NPHP4: variants seen among roughly 807,000 people sequenced by gnomAD.
The protein encoded by NPHP4 is nephrocystin-4.
NPHP4 carries 151 observed loss-of-function variants against 155.8 expected under a neutral mutation model. The observed-to-expected ratio is 0.97, with a 90% confidence interval of 0.85 to 1.11. NPHP4 has a LOEUF of 1.11. Among genes scored for constraint, NPHP4 ranks in the 50% least tolerant of loss-of-function variants. The pLI is 0.00. For missense variants in NPHP4, 1,956 were observed against 1,925.7 expected (o/e 1.02, Z -0.29); for synonymous variants, 845 against 816.8 (o/e 1.03, Z -0.59).
chr1:5,953,046 C>T (rs1474244175), intron 6 of NPHP4, among the ~76,000 whole-genome samples: 1 of 152,142 alleles, frequency 6.6e-6, no homozygotes, highest in Non-Finnish European at 1.5e-5. Context: ...CTACCCCAAA[C>T]CTCCTCCAGG....
chr1:5,869,059 A>G (rs1355631257), intron 23 of NPHP4, among the ~76,000 whole-genome samples: 2 of 137,870 alleles, frequency 1.5e-5, no homozygotes, highest in Non-Finnish European at 3.2e-5. Context: ...CCACACGCAC[A>G]CACATGCATG....
chr1:5,923,759 T>A (rs1437153908), intron 11 of NPHP4, among the ~76,000 whole-genome samples: 1 of 152,200 alleles, frequency 6.6e-6, no homozygotes, highest in Non-Finnish European at 1.5e-5. Flanking sequence ...CCCAAAAGGA[T>A]CTAACAATTT....
chr1:5,896,070 A>G, intron 16 of NPHP4, among the ~76,000 whole-genome samples: 1 of 152,264 alleles, frequency 6.6e-6, no homozygotes, highest in East Asian at 1.9e-4. Flanking sequence ...CTGAATTAGA[A>G]AACAGGGAAA....
intron 7 of NPHP4, among the ~76,000 whole-genome samples, chr1:5,948,765 T>C (rs115534498): frequency 0.028 from 4,263 of 152,262 alleles, 193 homozygotes; most frequent in African/African-American, 0.097. Flanking sequence ...GACCTGAGAC[T>C]GGGTGTACAA....
At chr1:5,972,003 C>T (rs1045075599) in intron 3 of NPHP4, among the ~76,000 whole-genome samples, 9 of 152,250 alleles carry the variant, frequency 5.9e-5, no homozygotes, top group South Asian at 2.1e-4. Flanking sequence ...CATTTTGCCT[C>T]GGGGCCCAGT....
chr1:5,883,549 C>T (rs994613715), intron 18 of NPHP4, among the ~76,000 whole-genome samples: 8 of 152,216 alleles, frequency 5.3e-5, no homozygotes, highest in African/African-American at 1.9e-4. Flanking sequence ...CTCTCTGTCA[C>T]GTCCCGAGGA....
Position 5,964,988 on chromosome 1 carries a change from C to T in NPHP4, c.517+2311G>A, listed in dbSNP as rs113986842. On this transcript the variant is annotated intron_variant, in intron 5 of 29. Transcript: ENST00000378156. Reference sequence around the variant, plus strand: ...TCTCACCGTCGCCCAGGCTGGAGTGCAGTGGTGCAATCATGGCTCACTGCA... The same window carrying T: ...TCTCACCGTCGCCCAGGCTGGAGTGTAGTGGTGCAATCATGGCTCACTGCA... Among the ~76,000 whole-genome samples the T allele has an allele frequency of 4.2e-3, 494 of 118,682 alleles. 6 individuals are homozygous for T. The highest frequency in any genetic ancestry group is 0.015 in the African/African-American group (463 of 30,610). 77.9% of individuals were successfully genotyped at this position (118,682 alleles called of 152,430 possible). A position where few individuals can be genotyped will look rare whatever the true frequency, so the allele number is the denominator to read the frequency against.
intron 17 of NPHP4, 76 bp from the exon 18 acceptor site, chr1:5,887,542 G>T: frequency 6.7e-7 from 1 of 1,497,366 alleles, no homozygotes; most frequent in Non-Finnish European, 9.1e-7. Flanking sequence ...GGTGGAGGCT[G>T]CTCCCCAGCC....
intron 9 of NPHP4, among the ~76,000 whole-genome samples, chr1:5,943,219 C>T (rs1646914859): frequency 1.3e-5 from 2 of 152,148 alleles, no homozygotes; most frequent in South Asian, 4.1e-4. Flanking sequence ...CTTTGGTTAA[C>T]TAAAAAATGC....
In NPHP4 at chr1:5,898,308, G is replaced by A. The variant is rs188894945; in HGVS notation, c.2143+6309C>T. Among the ~76,000 whole-genome samples the A allele has an allele frequency of 1.3e-4, 20 of 152,354 alleles. No individual in the cohort carries two copies. In the East Asian group the frequency reaches 3.3e-3, roughly 25 times the overall value. On this transcript the variant is annotated intron_variant, in intron 16 of 29. Transcript: ENST00000378156. ...AGGGCCAAGGAGGGAACCAACACAC[G>A]CAGGGGAGACCACGCCCTCGGCAGA...
chr1:5,877,359 CA>C, intron 19 of NPHP4, 61 bp from the exon 20 acceptor site: 1 of 1,440,340 alleles, frequency 6.9e-7, no homozygotes, highest in Non-Finnish European at 9.4e-7. Context: ...CAGGAGCAGA[CA>C]CCAGGGCAGG....
rs188618890 is a variant in NPHP4 at position 5,976,932 on chromosome 1, C to T, written c.279+1338G>A. On this transcript the variant is annotated intron_variant, in intron 3 of 29. Coordinates refer to ENST00000378156, the MANE Select transcript of NPHP4 (RefSeq NM_015102.5). ...CCTGGGCAGTGGTTACCTAGAGTAA[C>T]GTCTCAAAGGACGGCCACTGTCACC... 1.9e-3 allele frequency among the ~76,000 whole-genome samples: 291 copies of T among 152,234 alleles called. 13 individuals carry two copies. In the South Asian group the frequency reaches 0.052, roughly 27 times the overall value.
intron 11 of NPHP4, among the ~76,000 whole-genome samples, chr1:5,925,806 G>C (rs948365913): frequency 6.6e-6 from 1 of 152,100 alleles, no homozygotes; most frequent in African/African-American, 2.4e-5. Context: ...TAGTAGAGAC[G>C]GGGTTTCACC....
chr1:5,894,141 C>T (rs1335232635), intron 16 of NPHP4, among the ~76,000 whole-genome samples: 1 of 152,178 alleles, frequency 6.6e-6, no homozygotes, highest in African/African-American at 2.4e-5. Context: ...CGTTCTCTTG[C>T]CTCAGCACCT....
chr1:5,971,974 T>C (rs1652650086), intron 3 of NPHP4, among the ~76,000 whole-genome samples: 2 of 152,378 alleles, frequency 1.3e-5, no homozygotes, highest in Middle Eastern at 3.4e-3. Flanking sequence ...AATGCCTTCA[T>C]CTTCAAAAAC....
At chr1:5,979,892 C>T (rs960113309) in intron 2 of NPHP4, among the ~76,000 whole-genome samples, 2 of 152,106 alleles carry the variant, frequency 1.3e-5, no homozygotes, top group Admixed American at 6.5e-5. Context: ...CCCCCAGAGC[C>T]GGTTAATTCC....
At position 5,992,253 on chromosome 1, in the gene NPHP4, CGACCCGCCGCG is replaced by C. The variant is rs1291871841; in HGVS notation, c.-59_-49del. The C allele has an allele frequency of 6.6e-6, 1 of 152,116 alleles. No homozygotes were observed. The highest frequency in any genetic ancestry group is 2.4e-5 in the African/African-American group (1 of 41,426). 9.4% of individuals were successfully genotyped at this position (152,116 alleles called of 1,614,324 possible). ...CCGCGGGCCGCGTTACCTAGGAGAC[CGACCCGCCGCG>C]GCCGCGCCGGAGGCCACGGAGCCCA... On this transcript the variant is annotated 5_prime_UTR_variant, in exon 1 of 30. Coordinates refer to ENST00000378156, the MANE Select transcript of NPHP4 (RefSeq NM_015102.5).
At chr1:5,934,596 T>C (rs952379305) in intron 9 of NPHP4, among the ~76,000 whole-genome samples, 43 of 152,168 alleles carry the variant, frequency 2.8e-4, no homozygotes, top group Middle Eastern at 6.8e-3. Flanking sequence ...AAAAGTAAAA[T>C]GGGGTGGCTC....
At chr1:5,887,152 A>G (rs1026895358) in intron 18 of NPHP4, 134 bp downstream of exon 18, 1 of 837,576 alleles carries the variant, frequency 1.2e-6, no homozygotes, top group Non-Finnish European at 1.9e-6. Context: ...TCCATGGCCA[A>G]GCTGGTGAGA....
Sources: gnomAD v4.1 joint callset for allele counts (sites outside exome capture counted in the v4.1 genomes callset) on GRCh38, gnomAD v4.1.1 for gene constraint, MANE v1.5 for transcripts, NCBI Gene and HGNC (gene_info 2026-07-23, HGNC 2026-07-21) for gene names.